PXDN: variants seen among roughly 807,000 people sequenced by gnomAD.
The protein encoded by PXDN is peroxidasin.
PXDN carries 77 observed loss-of-function variants against 140.3 expected under a neutral mutation model. That is an observed-to-expected ratio of 0.55 (90% confidence interval 0.46 to 0.66). The LOEUF (loss-of-function observed/expected upper bound fraction) is 0.66. PXDN is among the 30% of genes least tolerant of loss of function. The pLI is 0.00. For synonymous variants in PXDN, 911 were observed against 857.4 expected (o/e 1.06, Z -1.09); for missense variants, 1,838 against 2,039.5 (o/e 0.90, Z 1.90).
rs73910872 is a variant in PXDN, at chr2:1,741,232, C to T, written c.200+3024G>A. On this transcript the variant is annotated intron_variant, in intron 1 of 22. Transcript: ENST00000252804. ...GGGTTGAGAGGAGGAAAGGAAGGGG[C>T]GTACAACGGCATACTTTATCTTTAA... 7.2e-3 allele frequency among the ~76,000 whole-genome samples: 1,098 copies of T among 152,170 alleles called. 18 individuals are homozygous for T. Among genetic ancestry groups the T allele is most frequent in the African/African-American group, 0.025 (1,057 of 41,506 alleles).
At position 1,632,055 on chromosome 2, in the gene PXDN, C is replaced by T. The variant is rs1034896215; in HGVS notation, c.*2149G>A. ...CATTCCACTCCTGTTACAGCGATCC[C>T]GCACAGTGGCTGCTAGACACGTTCA... On this transcript the variant is annotated 3_prime_UTR_variant, in exon 23 of 23. Coordinates refer to ENST00000252804, the MANE Select transcript of PXDN (RefSeq NM_012293.3). This position sits in a 1 kb window ranked among gnomAD's most constrained non-coding sequence, Gnocchi z 4.3. 9.8e-5 allele frequency: 15 copies of T among 152,736 alleles called. No homozygotes were observed. Among genetic ancestry groups the T allele is most frequent in the Admixed American group, 7.8e-4 (12 of 15,302 alleles). The allele number at this position is 152,736 out of a possible 1,614,324, so 9.5% of individuals were successfully genotyped here. A position where few individuals can be genotyped will look rare whatever the true frequency, so the allele number is the denominator to read the frequency against.
chr2:1,679,943 G>A lies in PXDN; in HGVS notation c.730+250C>T, dbSNP rs577392050. Among the ~76,000 whole-genome samples, 458 of 144,320 alleles carry A rather than the reference G, an allele frequency of 3.2e-3. 4 individuals carry two copies. The highest frequency in any genetic ancestry group is 0.027 in the Middle Eastern group (7 of 264). 94.7% of individuals were successfully genotyped at this position (144,320 alleles called of 152,430 possible). On this transcript the variant is annotated intron_variant, in intron 7 of 22. Coordinates refer to ENST00000252804, the MANE Select transcript of PXDN (RefSeq NM_012293.3). ...GTGGATGGTGTGTGTGTGTATGTGCGTGTGTGTGGTTTGTGTCTACGTGTG... is the reference window on the plus strand; with the variant it reads ...GTGGATGGTGTGTGTGTGTATGTGCATGTGTGTGGTTTGTGTCTACGTGTG...
At chr2:1,701,563 G>A (rs1014680031) in intron 1 of PXDN, among the ~76,000 whole-genome samples, 60 of 152,134 alleles carry the variant, frequency 3.9e-4, no homozygotes, top group Non-Finnish European at 7.6e-4. Flanking sequence ...CTTCCCCTGC[G>A]GGTGAAGGGG....
intron 9 of PXDN, chr2:1,672,015 G>A (rs1683590244): frequency 6.6e-6 from 1 of 152,212 alleles, no homozygotes; most frequent in East Asian, 1.9e-4. Context: ...TAAAATTGTA[G>A]AAAAGTATTC....
chr2:1,743,696 AGGAAGGGG>A (rs1685608277), intron 1 of PXDN, among the ~76,000 whole-genome samples: 1 of 38,382 alleles, frequency 2.6e-5, no homozygotes, highest in Non-Finnish European at 4.5e-5. Flanking sequence ...GAGGAGGAGG[AGGAAGGGG>A]AGGAGGAGGA....
chr2:1,710,790 C>T (rs1178561680), intron 1 of PXDN, among the ~76,000 whole-genome samples: 2 of 76,320 alleles, frequency 2.6e-5, no homozygotes, highest in Admixed American at 1.2e-4. Context: ...TCCACCAGCA[C>T]CCACTCCACC....
rs1214756710 is a variant in PXDN at position 1,687,445 on chromosome 2, G to A, written c.416+187C>T. ...GGGGTGGGTGGAGGGCTGGCTGGGT[G>A]GAAGGCGGGGCGGAGGGCAAATGAC... On this transcript the variant is annotated intron_variant, in intron 4 of 22. Transcript: ENST00000252804. The surrounding 1 kb of genome is among the most constrained non-coding windows in gnomAD (Gnocchi z 4.0). Among the ~76,000 whole-genome samples, 1 of 152,194 alleles carries A rather than the reference G, an allele frequency of 6.6e-6. No homozygotes were observed. The highest frequency in any genetic ancestry group is 1.5e-5 in the Non-Finnish European group (1 of 68,042).
chr2:1,708,682 C>T (rs1343169718), intron 1 of PXDN, among the ~76,000 whole-genome samples: 1 of 152,148 alleles, frequency 6.6e-6, no homozygotes, highest in Non-Finnish European at 1.5e-5. Context: ...CACCTCCAGG[C>T]CATGGTGTGA....
chr2:1,666,567 A>G, intron 9 of PXDN, 81 bp from the exon 10 acceptor site: 1 of 1,445,590 alleles, frequency 6.9e-7, no homozygotes, highest in Non-Finnish European at 9.2e-7. Flanking sequence ...ATGTCAGGCT[A>G]TTAATTCTAT....
intron 1 of PXDN, among the ~76,000 whole-genome samples, chr2:1,701,072 G>A (rs372242062): frequency 4.9e-4 from 74 of 152,306 alleles, no homozygotes; most frequent in African/African-American, 1.7e-3. Context: ...CTATCTCCCC[G>A]TCCCAGTCTT....
chr2:1,692,959 C>T, intron 2 of PXDN, 104 bp downstream of exon 2: 1 of 1,137,108 alleles, frequency 8.8e-7, no homozygotes, highest in Non-Finnish European at 1.3e-6. Flanking sequence ...CTCCACTTTT[C>T]CCCACCCAAG....
At chr2:1,656,145 C>T (rs1474128420) in intron 14 of PXDN, among the ~76,000 whole-genome samples, 1 of 151,762 alleles carries the variant, frequency 6.6e-6, no homozygotes, top group Non-Finnish European at 1.5e-5. Flanking sequence ...ACAACATACA[C>T]AAACACACCA....
rs201281429 is a variant in PXDN, at chr2:1,719,970, C to G, written c.200+24286G>C. On this transcript the variant is annotated intron_variant, in intron 1 of 22. Transcript: ENST00000252804. The stretch of plus-strand genomic sequence containing the variant: ...AGGGATGCAGAGAGAGGGAGATGCA[C>G]AGAGAGAGGGAGGGATGCAGAGAGA... Among the ~76,000 whole-genome samples the G allele has an allele frequency of 1.6e-3, 48 of 29,578 alleles. 2 individuals carry two copies. Among genetic ancestry groups the G allele is most frequent in the Non-Finnish European group, 2.3e-3 (36 of 15,806 alleles). 19.4% of individuals were successfully genotyped at this position (29,578 alleles called of 152,430 possible). A position where few individuals can be genotyped will look rare whatever the true frequency, so the allele number is the denominator to read the frequency against.
At chr2:1,673,873 T>C in intron 8 of PXDN, 61 bp from the exon 9 acceptor site, 1 of 1,570,184 alleles carries the variant, frequency 6.4e-7, no homozygotes, top group Non-Finnish European at 8.7e-7. Context: ...ACCTCACCCA[T>C]CCCCAGCACA....
chr2:1,685,054 G>A lies in PXDN; in HGVS notation c.417-903C>T, dbSNP rs1009309963. On this transcript the variant is annotated intron_variant, in intron 4 of 22. Transcript: ENST00000252804. This position sits in a 1 kb window ranked among gnomAD's most constrained non-coding sequence, Gnocchi z 5.1. ...CACAGAAAGGAGGACTCCTCAGAAC[G>A]CACGCCTGAGAATCAGGTCTGTGGA... is the stretch of plus-strand genomic sequence containing the variant. 1.8e-4 allele frequency among the ~76,000 whole-genome samples: 27 copies of A among 152,292 alleles called. No individual in the cohort carries two copies. Among genetic ancestry groups the A allele is most frequent in the Admixed American group, 9.8e-4 (15 of 15,304 alleles).
chr2:1,729,834 G>T (rs1572200316), intron 1 of PXDN, among the ~76,000 whole-genome samples: 1 of 152,246 alleles, frequency 6.6e-6, no homozygotes, highest in East Asian at 1.9e-4. Context: ...TAGAAACAAA[G>T]AAATGACCCA....
At chr2:1,663,510 AACGAAGAGTAAC>A in intron 12 of PXDN, 83 bp downstream of exon 12, 1 of 1,506,260 alleles carries the variant, frequency 6.6e-7, no homozygotes, top group Non-Finnish European at 9.0e-7. Context: ...AACGCTTTAT[AACGAAGAGTAAC>A]ACTAATGTCA....
chr2:1,662,198 G>T lies in PXDN; in HGVS notation c.1568-14C>A. On this transcript the variant is annotated splice_polypyrimidine_tract_variant and intron_variant, in intron 12 of 22. Coordinates refer to ENST00000252804, the MANE Select transcript of PXDN (RefSeq NM_012293.3). ...ACACTGGGGTGACTGGAAGGCAGATGTAGAGAATCCAGGAGAACGAGTCAA... is the reference window on the plus strand; with the variant it reads ...ACACTGGGGTGACTGGAAGGCAGATTTAGAGAATCCAGGAGAACGAGTCAA... 6.4e-7 allele frequency: 1 copy of T among 1,568,756 alleles called. No homozygotes were observed. The highest frequency in any genetic ancestry group is 8.7e-7 in the Non-Finnish European group (1 of 1,154,434).
In PXDN at chr2:1,633,168, T is replaced by TC. The variant is rs1682456813; in HGVS notation, c.*1035_*1036insG. On this transcript the variant is annotated 3_prime_UTR_variant, in exon 23 of 23. Transcript: ENST00000252804. ...AATACAAATGAGGTATAGGGATTCT[T>TC]TTTTTTTTTTTTTTTTAACGCACTC... 1 of 146,148 alleles carries TC rather than the reference T, an allele frequency of 6.8e-6. No homozygotes were observed. 9.1% of individuals were successfully genotyped at this position (146,148 alleles called of 1,614,324 possible). A position where few individuals can be genotyped will look rare whatever the true frequency, so the allele number is the denominator to read the frequency against.
Sources: gnomAD v4.1 joint callset for allele counts (sites outside exome capture counted in the v4.1 genomes callset) on GRCh38, gnomAD v4.1.1 for gene constraint, Gnocchi (gnomAD v3.1) non-coding constraint, MANE v1.5 for transcripts, NCBI Gene and HGNC (gene_info 2026-07-23, HGNC 2026-07-21) for gene names.